The following NPRL3 variants were observed in gnomAD, a reference collection of about 807,000 sequenced individuals.
NPRL3 encodes the protein NPR3 like, GATOR1 complex subunit.
A neutral mutation model predicts 57.2 loss-of-function variants in NPRL3; 23 were observed. The observed-to-expected ratio is 0.40, with a 90% CI of 0.29 to 0.57. The LOEUF (loss-of-function observed/expected upper bound fraction) is 0.57, where lower values mean the gene tolerates loss of function less well. Ranked by LOEUF, NPRL3 falls within the 20% of genes least tolerant of loss-of-function variation. The pLI, the probability that NPRL3 is intolerant of heterozygous loss-of-function variation, is 0.42. For synonymous variants in NPRL3, 333 were observed against 321.1 expected (o/e 1.04, Z -0.39); for missense variants, 691 against 767.1 (o/e 0.90, Z 1.17).
intron 9 of NPRL3, among the ~76,000 whole-genome samples, chr16:95,216 A>AT (rs1372502104): frequency 6.6e-6 from 1 of 151,920 alleles, no homozygotes; most frequent in African/African-American, 2.4e-5. Context: ...ACATTCATAG[A>AT]TTTTGGGGAT....
intron 3 of NPRL3, among the ~76,000 whole-genome samples, chr16:121,249 C>G (rs763336789): frequency 6.6e-6 from 1 of 152,110 alleles, no homozygotes; most frequent in Non-Finnish European, 1.5e-5. Context: ...GCCCTCACAA[C>G]AGCCAAATAA....
chr16:117,890 AG>A (rs908918298), intron 4 of NPRL3, among the ~76,000 whole-genome samples: 1 of 152,218 alleles, frequency 6.6e-6, no homozygotes, highest in African/African-American at 2.4e-5. Flanking sequence ...AAGCATTCCA[AG>A]GGGCACGGGG....
At chr16:88,109 G>A (rs925193634) in intron 13 of NPRL3, among the ~76,000 whole-genome samples, 12 of 152,206 alleles carry the variant, frequency 7.9e-5, no homozygotes, top group Non-Finnish European at 1.6e-4. Context: ...AAGTCAGGGT[G>A]GGGCTGACAG....
chr16:134,903 T>A (rs1002212651), intron 2 of NPRL3, among the ~76,000 whole-genome samples: 1 of 151,094 alleles, frequency 6.6e-6, no homozygotes, highest in Non-Finnish European at 1.5e-5. Context: ...GGGTTTCACC[T>A]TGTTAGCCAG....
intron 7 of NPRL3, among the ~76,000 whole-genome samples, chr16:103,295 G>GTTTTTTTTTTTTTTTTTTTT: frequency 6.3e-5 from 1 of 15,918 alleles, no homozygotes; most frequent in Admixed American, 4.8e-4. Flanking sequence ...CGCCTGGGGT[G>GTTTTTTTTTTTTTTTTTTTT]ATTTTTTTTT....
chr16:93,105 GGGCTTCCACAGCCTTT>G, intron 10 of NPRL3, 98 bp downstream of exon 10: 1 of 741,612 alleles, frequency 1.3e-6, no homozygotes, highest in Middle Eastern at 3.6e-4. Flanking sequence ...CCTGGCCTTG[GGGCTTCCACAGCCTTT>G]GGTGCCTGGC....
rs529091371 is a variant in NPRL3 at position 123,288 on chromosome 16, T to G, written c.189-4033A>C. On this transcript the variant is annotated intron_variant, in intron 3 of 13. Coordinates refer to ENST00000611875, the MANE Select transcript of NPRL3 (RefSeq NM_001077350.3). Reference sequence around the variant, plus strand: ...GGTGCCAGCCAGCCATGCCTTGGCCTCTCAGGTAATGTGAAATAGCTAAAT... The same window carrying G: ...GGTGCCAGCCAGCCATGCCTTGGCCGCTCAGGTAATGTGAAATAGCTAAAT... Among the ~76,000 whole-genome samples the G allele has an allele frequency of 1.5e-3, 225 of 152,190 alleles. 1 individual carries two copies. The highest frequency in any genetic ancestry group is 5.2e-3 in the African/African-American group (217 of 41,518).
At position 86,393 on chromosome 16, in the gene NPRL3, G is replaced by A; in HGVS notation, c.*312C>T. On this transcript the variant is annotated 3_prime_UTR_variant, in exon 14 of 14. Transcript: ENST00000611875. ...TCTGAGAAACGCACAGCCCACATGG[G>A]CCTTGAAGGATGCGGCCTCACCCAG... The A allele has an allele frequency of 2.7e-6, 1 of 374,362 alleles. No homozygotes were observed. Among genetic ancestry groups the A allele is most frequent in the East Asian group, 4.6e-5 (1 of 21,934 alleles). 23.2% of individuals were successfully genotyped at this position (374,362 alleles called of 1,614,324 possible).
At position 130,571 on chromosome 16, in the gene NPRL3, C is replaced by T. The variant is rs1401901852; in HGVS notation, c.139G>A (p.Ala47Thr). Residue 47 changes from alanine (A) to threonine (T), a missense_variant, in exon 3 of 14, where the codon GCT (alanine) becomes ACT (threonine). Transcript: ENST00000611875. ...SQTSKPRSRY[A>T]ASNTGDHADE... The stretch of plus-strand genomic sequence containing the variant: ...GCATGGTCGCCCGTGTTGCTGGCAG[C>T]GTATCTGCTACGCGGCTTACCTGAG... The T allele has an allele frequency of 5.1e-6, 8 of 1,555,054 alleles. No individual in the cohort carries two copies. The highest frequency in any genetic ancestry group is 2.7e-5 in the African/African-American group (2 of 73,284).
At position 87,595 on chromosome 16, in the gene NPRL3, C is replaced by T. The variant is rs560399008; in HGVS notation, c.1545-725G>A. Among the ~76,000 whole-genome samples the T allele has an allele frequency of 3.7e-3, 548 of 148,370 alleles. 7 individuals are homozygous for T. Among genetic ancestry groups the T allele is most frequent in the African/African-American group, 0.013 (518 of 40,070 alleles). On this transcript the variant is annotated intron_variant, in intron 13 of 13. Transcript: ENST00000611875. ...GCTGCCCAGGCTGGAGGTGCAGTGGCGCGATCTGGGCTCACTGCAACTCCC... is the reference window on the plus strand; with the variant it reads ...GCTGCCCAGGCTGGAGGTGCAGTGGTGCGATCTGGGCTCACTGCAACTCCC...
intron 2 of NPRL3, among the ~76,000 whole-genome samples, chr16:137,327 G>A (rs1313722534): frequency 6.6e-6 from 1 of 152,232 alleles, no homozygotes; most frequent in Non-Finnish European, 1.5e-5. Context: ...AGCCAAGGGT[G>A]AGGTTGATCC....
intron 6 of NPRL3, among the ~76,000 whole-genome samples, chr16:111,566 C>T (rs1899816441): frequency 6.6e-6 from 1 of 151,930 alleles, no homozygotes; most frequent in African/African-American, 2.4e-5. Context: ...TCTCCCACCT[C>T]AGCATCCCGA....
rs772617796 is a variant in NPRL3 at position 85,445 on chromosome 16, G to A, written c.*1260C>T. Reference sequence around the variant, plus strand: ...GCTGCGAGCACTGGAGCCCCTGGAAGGTCTGGAGACCATGCGTCAGCTTCG... The same window carrying A: ...GCTGCGAGCACTGGAGCCCCTGGAAAGTCTGGAGACCATGCGTCAGCTTCG... On this transcript the variant is annotated 3_prime_UTR_variant, in exon 14 of 14. Coordinates refer to ENST00000611875, the MANE Select transcript of NPRL3 (RefSeq NM_001077350.3). 6.2e-7 allele frequency: 1 copy of A among 1,612,512 alleles called. No homozygotes were observed. Among genetic ancestry groups the A allele is most frequent in the South Asian group, 1.1e-5 (1 of 91,046 alleles).
At chr16:110,977 TTTC>T (rs1433678245) in intron 6 of NPRL3, among the ~76,000 whole-genome samples, 2 of 152,218 alleles carry the variant, frequency 1.3e-5, no homozygotes, top group African/African-American at 4.8e-5. Flanking sequence ...TAAAATAAAA[TTTC>T]TTTTTACTTC....
At chr16:120,832 G>C (rs1187390705) in intron 3 of NPRL3, among the ~76,000 whole-genome samples, 1 of 152,096 alleles carries the variant, frequency 6.6e-6, no homozygotes, top group East Asian at 1.9e-4. Flanking sequence ...ACCCTAAATG[G>C]CTCACTCTGT....
chr16:110,930 C>A (rs773475156), intron 6 of NPRL3, among the ~76,000 whole-genome samples: 3 of 151,978 alleles, frequency 2.0e-5, no homozygotes, highest in Non-Finnish European at 4.4e-5. Context: ...TTTTATTCAT[C>A]CTTTTTCATA....
rs545890469 is a variant in NPRL3, at chr16:123,529, T to C, written c.189-4274A>G. ...TACCCTGCAACCAATTGCTCATCGG[T>C]TGGAGGACATGGCTCGCTGAAATGG... On this transcript the variant is annotated intron_variant, in intron 3 of 13. Coordinates refer to ENST00000611875, the MANE Select transcript of NPRL3 (RefSeq NM_001077350.3). The C allele has an allele frequency of 1.3e-4, 62 of 471,098 alleles. No individual in the cohort carries two copies. The East Asian group carries it at 4.0e-3, about 31-fold the overall frequency. 29.2% of individuals were successfully genotyped at this position (471,098 alleles called of 1,614,324 possible).
Position 138,153 on chromosome 16 carries a change from T to C in NPRL3, c.115A>G (p.Thr39Ala). 6.3e-7 allele frequency: 1 copy of C among 1,599,804 alleles called. No homozygotes were observed. The highest frequency in any genetic ancestry group is 8.5e-7 in the Non-Finnish European group (1 of 1,173,760). ...CCCCCGCCCAGCGCTCACTTACTTGTCTGGGACGCCGGGTGCTCCTGGCTT... is the reference window on the plus strand; with the variant it reads ...CCCCCGCCCAGCGCTCACTTACTTGCCTGGGACGCCGGGTGCTCCTGGCTT... ...QRSQEHPASQ[T>A]SKPRSRYAAS... Residue 39 changes from threonine (T) to alanine (A), a missense_variant, in exon 2 of 14, where the codon ACA (threonine) becomes GCA (alanine). Thr to Ala is a moderately conservative substitution (Grantham distance 58, BLOSUM62 0). Coordinates refer to ENST00000611875, the MANE Select transcript of NPRL3 (RefSeq NM_001077350.3).
At chr16:131,597 C>CAAAAAAAAAAA (rs59373757) in intron 2 of NPRL3, among the ~76,000 whole-genome samples, 2 of 69,708 alleles carry the variant, frequency 2.9e-5, no homozygotes, top group Admixed American at 1.9e-4. Flanking sequence ...GACTCAGTCT[C>CAAAAAAAAAAA]AAAAAAAAAA....
Sources: allele counts gnomAD v4.1 joint callset (sites outside exome capture counted in the v4.1 genomes callset), GRCh38; gene constraint gnomAD v4.1.1; transcripts MANE v1.5; gene names NCBI Gene and HGNC (gene_info 2026-07-23, HGNC 2026-07-21).